The following HFM1 variants were observed in gnomAD, a reference collection of about 807,000 sequenced individuals.
The protein encoded by HFM1 is helicase for meiosis 1.
HFM1 carries 169 observed loss-of-function variants against 192.1 expected under a neutral mutation model. The observed-to-expected ratio is 0.88, with a 90% CI of 0.78 to 1.00. The LOEUF is 1.00. HFM1 is among the 50% of genes least tolerant of loss of function. The pLI is 0.00. For synonymous variants in HFM1, 525 were observed against 537.8 expected (o/e 0.98, Z 0.33); for missense variants, 1,661 against 1,668.0 (o/e 1.00, Z 0.07).
chr1:91,348,756 C>A (rs756288673), intron 18 of HFM1, among the ~76,000 whole-genome samples: 2 of 151,668 alleles, frequency 1.3e-5, no homozygotes, highest in African/African-American at 4.8e-5. Flanking sequence ...TCTGCCTCTA[C>A]AATTTTTTTT....
intron 13 of HFM1, among the ~76,000 whole-genome samples, chr1:91,364,290 AC>A (rs1658929076): frequency 6.6e-6 from 1 of 152,078 alleles, no homozygotes; most frequent in Admixed American, 6.6e-5. Flanking sequence ...ATTATAGACA[AC>A]AAATACAGGT....
At chr1:91,365,985 A>T (rs546896786) in intron 13 of HFM1, among the ~76,000 whole-genome samples, 2 of 135,852 alleles carry the variant, frequency 1.5e-5, no homozygotes, top group South Asian at 4.6e-4. Context: ...AAAAAAAAAC[A>T]GGAATAAAAA....
At chr1:91,317,453 TTTC>T (rs1651432038) in intron 25 of HFM1, among the ~76,000 whole-genome samples, 1 of 152,074 alleles carries the variant, frequency 6.6e-6, no homozygotes, top group African/African-American at 2.4e-5. Context: ...TCAAGTTCAT[TTTC>T]TTCTTTGGAT....
intron 1 of HFM1, among the ~76,000 whole-genome samples, chr1:91,404,312 T>C (rs995147920): frequency 6.6e-6 from 1 of 152,194 alleles, no homozygotes; most frequent in African/African-American, 2.4e-5. Context: ...GCAGAGGCCT[T>C]AGGGCCCCGA....
chr1:91,290,180 G>C (rs1363223640), intron 30 of HFM1, among the ~76,000 whole-genome samples: 1 of 151,994 alleles, frequency 6.6e-6, no homozygotes, highest in Non-Finnish European at 1.5e-5. Flanking sequence ...ATAATGACAG[G>C]ATCAAATTCA....
intron 18 of HFM1, among the ~76,000 whole-genome samples, chr1:91,348,656 A>G (rs185811329): frequency 1.0e-3 from 156 of 152,346 alleles, no homozygotes; most frequent in Admixed American, 6.5e-3. Flanking sequence ...ATGGTGGCTC[A>G]CAGCTATAAT....
chr1:91,287,625 C>G (rs1309622628), intron 30 of HFM1, among the ~76,000 whole-genome samples: 10 of 152,300 alleles, frequency 6.6e-5, no homozygotes, highest in Middle Eastern at 3.4e-3. Flanking sequence ...TCTAAAGGAA[C>G]GCAGTTCCTC....
At chr1:91,392,552 C>T (rs962569132) in intron 4 of HFM1, among the ~76,000 whole-genome samples, 1 of 152,004 alleles carries the variant, frequency 6.6e-6, no homozygotes, top group African/African-American at 2.4e-5. Flanking sequence ...ACAATGAGAA[C>T]ACTTGCATAC....
intron 13 of HFM1, among the ~76,000 whole-genome samples, chr1:91,354,364 T>C (rs1229541733): frequency 1.3e-5 from 2 of 151,924 alleles, no homozygotes; most frequent in Non-Finnish European, 2.9e-5. Context: ...AGCAAACAAG[T>C]ATTCATATTA....
intron 30 of HFM1, among the ~76,000 whole-genome samples, chr1:91,307,820 TTC>T (rs1332755889): frequency 6.6e-6 from 1 of 152,120 alleles, no homozygotes; most frequent in African/African-American, 2.4e-5. Context: ...GTTATTTTCT[TTC>T]TCTTTCTTCC....
At chr1:91,384,298 C>T (rs282027) in intron 6 of HFM1, among the ~76,000 whole-genome samples, 152,106 of 152,290 alleles carry the variant, frequency 1, 75,961 homozygotes, top group Non-Finnish European at 1. Flanking sequence ...CATGGGGAAA[C>T]AGTCACATAA....
intron 20 of HFM1, among the ~76,000 whole-genome samples, chr1:91,330,876 A>G (rs927253143): frequency 6.6e-6 from 1 of 152,372 alleles, no homozygotes; most frequent in East Asian, 1.9e-4. Flanking sequence ...GTGATACATC[A>G]TATCAAGACA....
At position 91,380,218 on chromosome 1, in the gene HFM1, T is replaced by C. The variant is rs563207010; in HGVS notation, c.892A>G (p.Asn298Asp). 2.5e-6 allele frequency: 4 copies of C among 1,577,526 alleles called. No homozygotes were observed. The Admixed American group carries it at 5.3e-5, about 21-fold the overall frequency. Reference protein sequence around the residue: ...AFDDLLYTDRNFVICAPTGSG... With the variant: ...AFDDLLYTDRDFVICAPTGSG... ...CCAGTTGGAGCACAAATCACAAAAT[T>C]CCTATCTGTGTAAAGAAGCTAAAAA... The change falls in exon 8 of 39, where the codon AAT becomes GAT. Residue 298 changes from asparagine to aspartate, a missense_variant. Physicochemically the swap from Asn to Asp is conservative, Grantham distance 23 (BLOSUM62 1). Transcript: ENST00000370425.
chr1:91,274,285 T>TGTTGTTGTTTCATTTTAC (rs1557760351), intron 33 of HFM1, among the ~76,000 whole-genome samples: 1 of 151,826 alleles, frequency 6.6e-6, no homozygotes, highest in Non-Finnish European at 1.5e-5. Flanking sequence ...CCTCATTTTA[T>TGTTGTTGTTTCATTTTAC]GGGCCATGTT....
At chr1:91,362,760 C>T (rs1658689007) in intron 13 of HFM1, among the ~76,000 whole-genome samples, 1 of 152,100 alleles carries the variant, frequency 6.6e-6, no homozygotes, top group Non-Finnish European at 1.5e-5. Context: ...CTGGAGGTAT[C>T]ATTCTACCCA....
At chr1:91,277,189 C>G in intron 30 of HFM1, 127 bp from the exon 31 acceptor site, 1 of 508,278 alleles carries the variant, frequency 2.0e-6, no homozygotes, top group Non-Finnish European at 3.3e-6. Context: ...TATACTTTCT[C>G]AAGTGTTTTG....
chr1:91,262,529 A>T lies in HFM1; in HGVS notation c.4038T>A (p.Ser1346Arg). Reference sequence around the variant, plus strand: ...GAGGTAATTTTGTCATGGAGGATGCACTGAACTTGGGCATAGCAGAATTTG... The same window carrying T: ...GAGGTAATTTTGTCATGGAGGATGCTCTGAACTTGGGCATAGCAGAATTTG... Reference protein sequence around the residue: ...SLSNSAMPKFSASSMTKLPQQ... With the variant: ...SLSNSAMPKFRASSMTKLPQQ... Residue 1346 changes from serine to arginine, a missense_variant, in exon 37 of 39, where the codon AGT becomes AGA. By Grantham distance (110) the Ser-to-Arg change is moderately radical. Coordinates refer to ENST00000370425, the MANE Select transcript of HFM1 (RefSeq NM_001017975.6). 6.2e-7 allele frequency: 1 copy of T among 1,609,004 alleles called. No individual in the cohort carries two copies. Among genetic ancestry groups the T allele is most frequent in the Non-Finnish European group, 8.5e-7 (1 of 1,176,458 alleles).
At chr1:91,397,519 G>A (rs150428752) in intron 2 of HFM1, among the ~76,000 whole-genome samples, 422 of 152,318 alleles carry the variant, frequency 2.8e-3, no homozygotes, top group African/African-American at 9.4e-3. Flanking sequence ...TCTCTAAAGT[G>A]AGAAACTCAG....
chr1:91,365,352 G>T (rs1361092541), intron 13 of HFM1, among the ~76,000 whole-genome samples: 1 of 151,822 alleles, frequency 6.6e-6, no homozygotes, highest in Non-Finnish European at 1.5e-5. Flanking sequence ...TAAGTAAGTA[G>T]ATTTAGCTGC....
Sources: gnomAD v4.1 joint callset for allele counts (sites outside exome capture counted in the v4.1 genomes callset) on GRCh38, gnomAD v4.1.1 for gene constraint, MANE v1.5 for transcripts, NCBI Gene and HGNC (gene_info 2026-07-23, HGNC 2026-07-21) for gene names.